Variants in NDRG3 observed in about 807,000 individuals in gnomAD.
NDRG3 encodes the protein protein NDRG3.
In NDRG3, 23 loss-of-function variants were observed where a neutral mutation model predicts 57.2. That is an observed-to-expected ratio of 0.40 (90% CI 0.29 to 0.57). The LOEUF is 0.57. NDRG3 is among the 20% of genes least tolerant of loss of function. NDRG3 has a pLI of 0.42. For missense variants in NDRG3, 384 were observed against 457.3 expected, an observed-to-expected ratio of 0.84 and a Z score of 1.46; for synonymous variants, 132 against 162.6, an observed-to-expected ratio of 0.81 and a Z score of 1.43.
chr20:36,691,810 T>G (rs892668748), intron 3 of NDRG3, among the ~76,000 whole-genome samples: 2 of 152,314 alleles, frequency 1.3e-5, no homozygotes, highest in South Asian at 4.1e-4. Context: ...AATGTCAGAC[T>G]TATTAAAGGA....
At chr20:36,721,990 C>A (rs548158929) in intron 1 of NDRG3, among the ~76,000 whole-genome samples, 2 of 152,186 alleles carry the variant, frequency 1.3e-5, no homozygotes, top group South Asian at 4.1e-4. Flanking sequence ...TGCCTAATAC[C>A]CCCAGTGAGT....
chr20:36,684,572 G>T, intron 5 of NDRG3, 97 bp from the exon 6 acceptor site: 2 of 1,051,856 alleles, frequency 1.9e-6, no homozygotes, highest in Non-Finnish European at 2.9e-6. Context: ...ATAAAAGGCT[G>T]AGCGCAGTAG....
chr20:36,711,810 G>A (rs1296359371), intron 2 of NDRG3, among the ~76,000 whole-genome samples: 1 of 152,126 alleles, frequency 6.6e-6, no homozygotes, highest in Non-Finnish European at 1.5e-5. Flanking sequence ...ACGGAGTCTC[G>A]CTTTGTCGCC....
rs893376179 is a variant in NDRG3 at position 36,688,741 on chromosome 20, A to G, written c.137T>C (p.Ile46Thr). 1.2e-5 allele frequency: 19 copies of G among 1,613,924 alleles called. No individual in the cohort carries two copies. The highest frequency in any genetic ancestry group is 3.3e-5 in the Admixed American group (2 of 60,008). Residue 46 changes from isoleucine to threonine, a missense_variant, in exon 4 of 16, where the codon ATA (isoleucine) becomes ACA (threonine). Ile to Thr is a moderately conservative substitution (Grantham distance 89). Transcript: ENST00000349004. ...TCTGTTTCCTTTGGGTAAGCCTCTTATAGTGACGTGGACCACACCATGAGT... is the reference window on the plus strand; with the variant it reads ...TCTGTTTCCTTTGGGTAAGCCTCTTGTAGTGACGTGGACCACACCATGAGT... ...ETTHGVVHVTIRGLPKGNRPV... is the reference protein window; with the variant it reads ...ETTHGVVHVTTRGLPKGNRPV...
intron 15 of NDRG3, 25 bp downstream of exon 15, chr20:36,656,335 A>T: frequency 6.2e-7 from 1 of 1,606,860 alleles, no homozygotes; most frequent in South Asian, 1.1e-5. Flanking sequence ...AATCGTTGCT[A>T]GATAGAAAGT....
intron 9 of NDRG3, 108 bp from the exon 10 acceptor site, chr20:36,666,500 G>A (rs1979646912): frequency 4.0e-6 from 3 of 757,044 alleles, no homozygotes; most frequent in African/African-American, 1.7e-5. Context: ...GGCTCATGAT[G>A]GGAACTGGGG....
chr20:36,730,765 T>C (rs994963631), intron 1 of NDRG3, among the ~76,000 whole-genome samples: 1 of 151,756 alleles, frequency 6.6e-6, no homozygotes, highest in Non-Finnish European at 1.5e-5. Context: ...CTGGCCAATA[T>C]GGTAGAACCC....
chr20:36,665,447 G>C (rs1979544749), intron 10 of NDRG3, 146 bp from the exon 11 acceptor site: 2 of 748,628 alleles, frequency 2.7e-6, no homozygotes, highest in South Asian at 3.4e-5. Flanking sequence ...CCTATGACTT[G>C]GTTCTTGAGT....
intron 8 of NDRG3, among the ~76,000 whole-genome samples, chr20:36,679,183 T>G (rs1482469959): frequency 6.6e-6 from 1 of 152,222 alleles, no homozygotes; most frequent in Non-Finnish European, 1.5e-5. Flanking sequence ...AGTCTTGAAC[T>G]CCTGACCTCA....
At chr20:36,669,553 C>T (rs1188942704) in intron 9 of NDRG3, among the ~76,000 whole-genome samples, 1 of 151,684 alleles carries the variant, frequency 6.6e-6, no homozygotes, top group Non-Finnish European at 1.5e-5. Context: ...TTAGTAGAGA[C>T]AGGGTTTCTC....
intron 3 of NDRG3, among the ~76,000 whole-genome samples, chr20:36,695,839 G>A (rs1982736964): frequency 6.6e-6 from 1 of 152,130 alleles, no homozygotes; most frequent in Non-Finnish European, 1.5e-5. Context: ...CTTGAAGCAT[G>A]TGATCTCTGT....
chr20:36,712,432 G>C (rs1983947646), intron 2 of NDRG3, among the ~76,000 whole-genome samples: 1 of 122,288 alleles, frequency 8.2e-6, no homozygotes, highest in Non-Finnish European at 1.6e-5. Flanking sequence ...GTCTCGCTCT[G>C]TCAGCCAGCC....
chr20:36,687,745 C>T (rs1981915600), intron 4 of NDRG3, 133 bp from the exon 5 acceptor site: 2 of 1,028,528 alleles, frequency 1.9e-6, no homozygotes, highest in Non-Finnish European at 2.8e-6. Flanking sequence ...GGTGTCTGAA[C>T]AATCTGTCTG....
At chr20:36,700,418 A>G in intron 3 of NDRG3, 1 of 521,676 alleles carries the variant, frequency 1.9e-6, no homozygotes. Flanking sequence ...AAAAACAAAA[A>G]GAAAGGAAGC....
intron 1 of NDRG3, among the ~76,000 whole-genome samples, chr20:36,740,724 T>C (rs1421913959): frequency 6.6e-6 from 1 of 152,212 alleles, no homozygotes; most frequent in African/African-American, 2.4e-5. Flanking sequence ...AGTGGACTAC[T>C]AGCCCTTTCA....
intron 3 of NDRG3, among the ~76,000 whole-genome samples, chr20:36,703,429 T>G (rs1983366720): frequency 6.8e-6 from 1 of 147,566 alleles, no homozygotes; most frequent in African/African-American, 2.6e-5. Flanking sequence ...ATCCTATCTA[T>G]CTATCTATCT....
chr20:36,723,659 A>AATATGTGTGTGTGTGTGTGT (rs74173994), intron 1 of NDRG3, among the ~76,000 whole-genome samples: 35 of 132,934 alleles, frequency 2.6e-4, no homozygotes, highest in African/African-American at 9.6e-4. Context: ...ATATTAGTCT[A>AATATGTGTGTGTGTGTGTGT]GTGTGTGTGT....
rs1433679305 is a variant in NDRG3 at position 36,668,793 on chromosome 20, TA to T, written c.589-2402del. 5 of 151,230 alleles carry T rather than the reference TA, an allele frequency of 3.3e-5. No homozygotes were observed. The East Asian group carries it at 9.6e-4, about 29-fold the overall frequency. The allele number at this position is 151,230 out of a possible 1,614,324, so 9.4% of individuals were successfully genotyped here. On this transcript the variant is annotated intron_variant, in intron 9 of 15. Transcript: ENST00000349004. ...ATACATAGTTATATATATACATAGT[TA>T]TATATAGAGAGAGATAAATTGTATA...
intron 2 of NDRG3, among the ~76,000 whole-genome samples, chr20:36,719,425 C>CAA (rs542067369): frequency 1.4e-4 from 10 of 71,162 alleles, no homozygotes; most frequent in Admixed American, 4.6e-4. Flanking sequence ...GACTCCGTTT[C>CAA]AAAAAAAAAA....
Sources: gnomAD v4.1 joint callset for allele counts (sites outside exome capture counted in the v4.1 genomes callset) on GRCh38, gnomAD v4.1.1 for gene constraint, MANE v1.5 for transcripts, NCBI Gene and HGNC (gene_info 2026-07-23, HGNC 2026-07-21) for gene names.